SLC26A7: variants seen among roughly 807,000 people sequenced by gnomAD.
SLC26A7 encodes solute carrier family 26 member 7, also known as anion exchange transporter.
SLC26A7 carries 59 observed loss-of-function variants against 82.5 expected under a neutral mutation model. That is an observed-to-expected ratio of 0.72 (90% CI 0.58 to 0.89). The LOEUF (loss-of-function observed/expected upper bound fraction) is 0.89, where lower values mean the gene tolerates loss of function less well. Ranked by LOEUF, SLC26A7 falls within the 40% of genes least tolerant of loss-of-function variation. The probability of loss-of-function intolerance (pLI) is 0.00; values close to 1 mark genes in which losing one functional copy is unlikely to be tolerated. For synonymous variants in SLC26A7, 271 were observed against 274.3 expected (o/e 0.99, Z 0.12); for missense variants, 820 against 793.0 (o/e 1.03, Z -0.41).
At chr8:91,384,344 C>T (rs1230196961) in intron 15 of SLC26A7, among the ~76,000 whole-genome samples, 3 of 152,092 alleles carry the variant, frequency 2.0e-5, no homozygotes, top group Admixed American at 6.5e-5. Flanking sequence ...GAGATGTGGT[C>T]TCTTCTGTCA....
intron 3 of SLC26A7, among the ~76,000 whole-genome samples, chr8:91,292,822 A>G (rs1041278085): frequency 2.0e-5 from 3 of 152,120 alleles, no homozygotes; most frequent in Non-Finnish European, 4.4e-5. Flanking sequence ...ACAGTAAAAA[A>G]CCTGGGTATT....
intron 11 of SLC26A7, among the ~76,000 whole-genome samples, chr8:91,354,484 G>C (rs1446333765): frequency 6.6e-6 from 1 of 152,072 alleles, no homozygotes; most frequent in Non-Finnish European, 1.5e-5. Context: ...GATTGGGCAA[G>C]GCAACTCAAG....
At chr8:91,300,836 T>C (rs1405066415) in intron 4 of SLC26A7, among the ~76,000 whole-genome samples, 4 of 152,232 alleles carry the variant, frequency 2.6e-5, no homozygotes, top group Non-Finnish European at 4.4e-5. Context: ...AGCTTACTTA[T>C]AATGCTATTA....
chr8:91,220,647 T>C (rs1382808424), intron 2 of SLC26A7, among the ~76,000 whole-genome samples: 2 of 152,146 alleles, frequency 1.3e-5, no homozygotes, highest in Non-Finnish European at 2.9e-5. Context: ...TGATGGCTTC[T>C]AGCTTTACAC....
chr8:91,245,738 C>T (rs571534915), upstream of SLC26A7, among the ~76,000 whole-genome samples: 1 of 152,318 alleles, frequency 6.6e-6, no homozygotes, highest in African/African-American at 2.4e-5. Flanking sequence ...TCACTCTTTA[C>T]TAATGTCTCT....
intron 3 of SLC26A7, among the ~76,000 whole-genome samples, chr8:91,290,393 C>A (rs1002562105): frequency 1.3e-5 from 2 of 152,128 alleles, no homozygotes. Context: ...AGGACTAAAA[C>A]TAAGGTGTCA....
intron 4 of SLC26A7, among the ~76,000 whole-genome samples, chr8:91,296,132 T>G (rs1333227094): frequency 6.6e-6 from 1 of 152,204 alleles, no homozygotes; most frequent in Non-Finnish European, 1.5e-5. Flanking sequence ...ATGTTATTGC[T>G]TACATCAGTA....
chr8:91,307,814 A>C (rs1226654447), intron 4 of SLC26A7, among the ~76,000 whole-genome samples: 1 of 33,290 alleles, frequency 3.0e-5, no homozygotes, highest in Admixed American at 1.4e-4. Context: ...AAAATAAATA[A>C]ATAAAAAAAA....
At chr8:91,314,312 C>T (rs1423496915) in intron 4 of SLC26A7, among the ~76,000 whole-genome samples, 1 of 152,196 alleles carries the variant, frequency 6.6e-6, no homozygotes, top group African/African-American at 2.4e-5. Context: ...CCCCATTTCA[C>T]CTACTTCAGT....
chr8:91,278,090 G>C (rs1202119221), intron 2 of SLC26A7, among the ~76,000 whole-genome samples: 4 of 152,142 alleles, frequency 2.6e-5, no homozygotes, highest in Non-Finnish European at 4.4e-5. Context: ...GGGGAGGAGG[G>C]AAGTGGAAAT....
intron 15 of SLC26A7, among the ~76,000 whole-genome samples, chr8:91,383,577 G>T (rs1053498847): frequency 1.3e-4 from 20 of 152,058 alleles, no homozygotes; most frequent in African/African-American, 4.8e-4. Context: ...ATGAAGCAGG[G>T]TTACATCAAT....
intron 2 of SLC26A7, among the ~76,000 whole-genome samples, chr8:91,225,621 T>C (rs1234898548): frequency 6.7e-6 from 1 of 148,878 alleles, no homozygotes; most frequent in Non-Finnish European, 1.5e-5. Flanking sequence ...TAAGCCATCT[T>C]GGCCCTGCCC....
rs1808500718 is a variant in SLC26A7 at position 91,394,162 on chromosome 8, C to T, written c.1935+123C>T. 2.5e-6 allele frequency: 4 copies of T among 1,602,846 alleles called. No individual in the cohort carries two copies. The South Asian group carries it at 4.4e-5, about 18-fold the overall frequency. Reference sequence around the variant, plus strand: ...TCTAAAATCTGTTAGCCCCCCACCCCACCCCACCTCAGACTTTCTATTACA... The same window carrying T: ...TCTAAAATCTGTTAGCCCCCCACCCTACCCCACCTCAGACTTTCTATTACA... On this transcript the variant is annotated intron_variant, in intron 18 of 18. Transcript: ENST00000276609.
chr8:91,340,650 C>A, intron 8 of SLC26A7, 99 bp downstream of exon 8: 1 of 1,470,752 alleles, frequency 6.8e-7, no homozygotes, highest in Non-Finnish European at 9.4e-7. Context: ...TAAAACTTTC[C>A]TAACTGTACA....
intron 2 of SLC26A7, among the ~76,000 whole-genome samples, chr8:91,256,880 C>T (rs1810818654): frequency 1.3e-5 from 2 of 152,062 alleles, no homozygotes; most frequent in African/African-American, 4.8e-5. Context: ...TGAATTGGCC[C>T]ACTTCTAGGA....
At chr8:91,320,616 T>A (rs117495565) in intron 5 of SLC26A7, among the ~76,000 whole-genome samples, 16 of 152,126 alleles carry the variant, frequency 1.1e-4, no homozygotes, top group African/African-American at 3.9e-4. Context: ...TTGGGGTACT[T>A]AGGCTGAGAG....
rs376746577 is a variant in SLC26A7, at chr8:91,394,002, C to T, written c.1898C>T (p.Ser633Leu). The T allele has an allele frequency of 4.5e-5, 72 of 1,613,280 alleles. No individual in the cohort carries two copies. The highest frequency in any genetic ancestry group is 4.5e-5 in the Non-Finnish European group (53 of 1,179,580). Reference sequence around the variant, plus strand: ...TCAGAGAAACCAATTTTTTTTGAATCGGTATCTGCTGCAATAAGTCATATC... The same window carrying T: ...TCAGAGAAACCAATTTTTTTTGAATTGGTATCTGCTGCAATAAGTCATATC... ...LDSEKPIFFE[S>L]VSAAISHIHS... is the part of the protein sequence containing the mutation. Residue 633 changes from serine (S) to leucine (L), a missense_variant, in exon 18 of 19, where the codon TCG (serine) becomes TTG (leucine). By Grantham distance (145) the Ser-to-Leu change is moderately radical (BLOSUM62 -2). Coordinates refer to ENST00000276609, the MANE Select transcript of SLC26A7 (RefSeq NM_052832.4).
intron 8 of SLC26A7, among the ~76,000 whole-genome samples, chr8:91,341,982 G>A (rs1167638036): frequency 3.3e-4 from 50 of 152,078 alleles, no homozygotes; most frequent in Admixed American, 3.3e-3. Flanking sequence ...AGGCTGGAGT[G>A]AGTGGCATGA....
chr8:91,210,337 A>G (rs1586290953), intron 1 of SLC26A7, among the ~76,000 whole-genome samples: 1 of 152,252 alleles, frequency 6.6e-6, no homozygotes, highest in Non-Finnish European at 1.5e-5. Context: ...AACATGCACA[A>G]TTTCATTTTG....
Sources: gnomAD v4.1 joint callset for allele counts (sites outside exome capture counted in the v4.1 genomes callset) on GRCh38, gnomAD v4.1.1 for gene constraint, MANE v1.5 for transcripts, NCBI Gene and HGNC (gene_info 2026-07-23, HGNC 2026-07-21) for gene names.